The following LAMB1 variants were observed in gnomAD, a reference collection of about 807,000 sequenced individuals.
The protein encoded by LAMB1 is laminin subunit beta 1, also known as laminin subunit beta-1.
LAMB1 carries 121 observed loss-of-function variants against 222.3 expected under a neutral mutation model. The observed-to-expected ratio is 0.54, with a 90% CI of 0.47 to 0.63. The LOEUF (loss-of-function observed/expected upper bound fraction) is 0.63. LAMB1 is among the 30% of genes least tolerant of loss of function. The pLI, the probability that LAMB1 is intolerant of heterozygous loss-of-function variation, is 0.00. For synonymous variants in LAMB1, 794 were observed against 807.2 expected, an observed-to-expected ratio of 0.98 and a Z score of 0.28; for missense variants, 2,172 against 2,240.8, an observed-to-expected ratio of 0.97 and a Z score of 0.62.
At chr7:107,957,749 G>GTT (rs140834703) in intron 20 of LAMB1, among the ~76,000 whole-genome samples, 1 of 152,094 alleles carries the variant, frequency 6.6e-6, no homozygotes. Context: ...TAAGTGTAGA[G>GTT]TTTTTTTGTA....
In LAMB1 at chr7:107,995,844, G is replaced by A. The variant is rs956792680; in HGVS notation, c.350-884C>T. On this transcript the variant is annotated intron_variant, in intron 4 of 33. Coordinates refer to ENST00000222399, the MANE Select transcript of LAMB1 (RefSeq NM_002291.3). Reference sequence around the variant, plus strand: ...AGAAGTCTTAAATGCGGAAAGACAGGAATGTGTCAGAATGAATCATGTCAC... The same window carrying A: ...AGAAGTCTTAAATGCGGAAAGACAGAAATGTGTCAGAATGAATCATGTCAC... Among the ~76,000 whole-genome samples the A allele has an allele frequency of 3.0e-4, 46 of 152,102 alleles. 2 individuals are homozygous for A. Among genetic ancestry groups the A allele is most frequent in the African/African-American group, 8.9e-4 (37 of 41,420 alleles).
intron 13 of LAMB1, among the ~76,000 whole-genome samples, chr7:107,965,594 T>G (rs909221035): frequency 6.6e-6 from 1 of 151,956 alleles, no homozygotes; most frequent in Non-Finnish European, 1.5e-5. Context: ...CTTATGTCCC[T>G]TTTATTAGTA....
chr7:107,964,535 C>G lies in LAMB1; in HGVS notation c.1698+17G>C. 6.2e-7 allele frequency: 1 copy of G among 1,614,096 alleles called. No individual in the cohort carries two copies. Among genetic ancestry groups the G allele is most frequent in the Non-Finnish European group, 8.5e-7 (1 of 1,179,970 alleles). On this transcript the variant is annotated intron_variant, in intron 14 of 33. Transcript: ENST00000222399. ...AAAACACTGCTTTACCGACCTGCCA[C>G]ACACTCCCCTACTCACAGGCCCCAA...
rs755960294 is a variant in LAMB1 at position 107,932,215 on chromosome 7, C to T, written c.4351G>A (p.Val1451Ile). ...WQKAMDLDQDVLSALAEVEQL... is the reference protein window; with the variant it reads ...WQKAMDLDQDILSALAEVEQL... ...TCCACTTCAGCCAGGGCACTCAGGA[C>T]ATCTTGGTCCAAGTCCATGGCTTTC... The change falls in exon 28 of 34, where the codon GTC becomes ATC. Residue 1451 changes from valine (V) to isoleucine (I), a missense_variant. Physicochemically the swap from Val to Ile is conservative, Grantham distance 29 (BLOSUM62 3). Coordinates refer to ENST00000222399, the MANE Select transcript of LAMB1 (RefSeq NM_002291.3). 9 of 1,614,138 alleles carry T rather than the reference C, an allele frequency of 5.6e-6. No homozygotes were observed. The South Asian group carries it at 6.6e-5, about 12-fold the overall frequency.
At chr7:107,937,389 A>G in intron 25 of LAMB1, 112 bp from the exon 26 acceptor site, 2 of 774,116 alleles carry the variant, frequency 2.6e-6, no homozygotes, top group South Asian at 3.5e-5. Context: ...CCAATTCAGT[A>G]ATTTGTAACA....
intron 5 of LAMB1, among the ~76,000 whole-genome samples, chr7:107,991,054 A>G (rs1367655509): frequency 6.6e-6 from 1 of 152,106 alleles, no homozygotes; most frequent in Non-Finnish European, 1.5e-5. Context: ...TTTCTTGTCA[A>G]TGGTTCCCAA....
At position 107,962,968 on chromosome 7, in the gene LAMB1, C is replaced by T; in HGVS notation, c.1794G>A (p.Glu598=). 1 of 1,614,024 alleles carries T rather than the reference C, an allele frequency of 6.2e-7. No individual in the cohort carries two copies. The highest frequency in any genetic ancestry group is 8.5e-7 in the Non-Finnish European group (1 of 1,179,984). Residue 598 remains glutamate, a synonymous_variant, in exon 15 of 34, where the codon GAG becomes GAA. Transcript: ENST00000222399. ...FVRVPEGAYL[E]FFIDNIPYSM... ...AATATGGTATGTTGTCAATGAAAAACTCCAAATAAGCCCCTTCAGGCACTC... is the reference window on the plus strand; with the variant it reads ...AATATGGTATGTTGTCAATGAAAAATTCCAAATAAGCCCCTTCAGGCACTC...
intron 7 of LAMB1, among the ~76,000 whole-genome samples, chr7:107,981,020 T>C (rs2150443146): frequency 6.6e-6 from 1 of 152,310 alleles, no homozygotes; most frequent in East Asian, 1.9e-4. Context: ...ATCAGTTTCA[T>C]AAGAATGTCG....
chr7:107,930,467 T>A (rs149867018), intron 29 of LAMB1, among the ~76,000 whole-genome samples: 6 of 152,344 alleles, frequency 3.9e-5, no homozygotes, highest in African/African-American at 1.4e-4. Flanking sequence ...AACAGAATAC[T>A]GATTTTTTTT....
chr7:107,965,219 T>C (rs1279559819), intron 13 of LAMB1, among the ~76,000 whole-genome samples: 2 of 152,210 alleles, frequency 1.3e-5, no homozygotes, highest in Non-Finnish European at 2.9e-5. Flanking sequence ...AGGAACCAAA[T>C]TCTGTGATTT....
At chr7:107,928,971 G>T (rs1053886762) in intron 31 of LAMB1, 93 bp downstream of exon 31, 10 of 1,210,822 alleles carry the variant, frequency 8.3e-6, no homozygotes, top group African/African-American at 7.6e-5. Flanking sequence ...ATGTTGAGTT[G>T]TAAGAATTTC....
intron 3 of LAMB1, among the ~76,000 whole-genome samples, chr7:107,999,427 C>A (rs1563012319): frequency 6.6e-6 from 1 of 152,188 alleles, no homozygotes; most frequent in African/African-American, 2.4e-5. Flanking sequence ...TAGAGACCCA[C>A]ATGTATGTTA....
At position 107,953,561 on chromosome 7, in the gene LAMB1, G is replaced by A; in HGVS notation, c.3048C>T (p.Tyr1016=). ...AGTCCTGCTGGAGGGCATCACCATA[G>A]TATCCAAACCGGCAGAACTGACAGT... is the stretch of plus-strand genomic sequence containing the variant. ...GEHCQFCRFG[Y]YGDALQQDCR... The change falls in exon 22 of 34, where the codon TAC becomes TAT. Residue 1016 remains tyrosine, a synonymous_variant. Transcript: ENST00000222399. The A allele has an allele frequency of 6.2e-7, 1 of 1,614,098 alleles. No homozygotes were observed. Among genetic ancestry groups the A allele is most frequent in the Non-Finnish European group, 8.5e-7 (1 of 1,179,950 alleles).
intron 8 of LAMB1, among the ~76,000 whole-genome samples, chr7:107,980,228 C>A (rs2033945656): frequency 6.6e-6 from 1 of 151,816 alleles, no homozygotes; most frequent in South Asian, 2.1e-4. Flanking sequence ...AAAAAAAATC[C>A]ATTTCTTTGG....
At chr7:107,952,499 G>A (rs1168108082) in intron 22 of LAMB1, among the ~76,000 whole-genome samples, 3 of 152,232 alleles carry the variant, frequency 2.0e-5, no homozygotes, top group East Asian at 1.9e-4. Context: ...AGATGCTGGT[G>A]AGTCATTTTA....
chr7:107,970,758 G>A (rs1352016430), intron 13 of LAMB1, among the ~76,000 whole-genome samples: 1 of 150,964 alleles, frequency 6.6e-6, no homozygotes, highest in East Asian at 2.0e-4. Flanking sequence ...TTGAGACAGA[G>A]TCTTGCTCTG....
chr7:107,967,274 T>G (rs955274187), intron 13 of LAMB1, among the ~76,000 whole-genome samples: 1 of 152,214 alleles, frequency 6.6e-6, no homozygotes, highest in Non-Finnish European at 1.5e-5. Context: ...TTTCTCAACT[T>G]AGCAGCTTCC....
chr7:107,941,024 A>G (rs559133397), intron 24 of LAMB1, among the ~76,000 whole-genome samples: 39 of 152,374 alleles, frequency 2.6e-4, no homozygotes, highest in Admixed American at 2.4e-3. Context: ...ACTAAGTATA[A>G]TCTAACTTGG....
chr7:108,001,287 G>A lies in LAMB1; in HGVS notation c.213+271C>T, dbSNP rs73422849. On this transcript the variant is annotated intron_variant, in intron 3 of 33. Transcript: ENST00000222399. ...TTTTAAAAAACACACACACAATCAG[G>A]CCTTTTGGAGGCTCTGGGTCAGGGC... Among the ~76,000 whole-genome samples the A allele has an allele frequency of 0.026, 3,933 of 152,318 alleles. 152 individuals are homozygous for A. Among genetic ancestry groups the A allele is most frequent in the African/African-American group, 0.082 (3,402 of 41,566 alleles).
Sources: allele counts gnomAD v4.1 joint callset (sites outside exome capture counted in the v4.1 genomes callset), GRCh38; gene constraint gnomAD v4.1.1; transcripts MANE v1.5; gene names NCBI Gene and HGNC (gene_info 2026-07-23, HGNC 2026-07-21).